The following ARID1A variants were observed in gnomAD, a reference collection of about 807,000 sequenced individuals.
ARID1A encodes the protein AT-rich interaction domain 1A, also known as AT-rich interactive domain-containing protein 1A.
In ARID1A, 20 loss-of-function variants were observed where a neutral mutation model predicts 212.6. That is an observed-to-expected ratio of 0.09 (90% confidence interval 0.07 to 0.14). The LOEUF (loss-of-function observed/expected upper bound fraction) is 0.14, where lower values mean the gene tolerates loss of function less well. ARID1A is among the 10% of genes least tolerant of loss of function. ARID1A has a pLI of 1.00. For synonymous variants in ARID1A, 1,376 were observed against 1,222.1 expected (o/e 1.13, Z -2.63); for missense variants, 2,587 against 3,059.0 (o/e 0.85, Z 3.64).
intron 1 of ARID1A, among the ~76,000 whole-genome samples, chr1:26,713,505 C>G (rs2080473056): frequency 6.6e-6 from 1 of 151,890 alleles, no homozygotes; most frequent in Non-Finnish European, 1.5e-5. Flanking sequence ...ACTACAGGCG[C>G]CCACCACCAC....
intron 1 of ARID1A, among the ~76,000 whole-genome samples, chr1:26,725,852 C>CTTTTTTT (rs71007888): frequency 7.9e-6 from 1 of 126,744 alleles, no homozygotes; most frequent in Non-Finnish European, 1.7e-5. Context: ...TGGTATAAAC[C>CTTTTTTT]TTTTTTTTTT....
At chr1:26,740,667 CAT>C (rs557505072) in intron 4 of ARID1A, among the ~76,000 whole-genome samples, 191 of 152,296 alleles carry the variant, frequency 1.3e-3, no homozygotes, top group Non-Finnish European at 2.1e-3. Context: ...CTGGGGCAAT[CAT>C]GTGATAAAAC....
intron 8 of ARID1A, chr1:26,765,701 C>T (rs1306673823): frequency 6.6e-6 from 1 of 151,482 alleles, no homozygotes; most frequent in Non-Finnish European, 1.5e-5. Flanking sequence ...CCCATCTCTA[C>T]TAAAAATACA....
intron 1 of ARID1A, among the ~76,000 whole-genome samples, chr1:26,704,434 G>A (rs1408701130): frequency 3.3e-5 from 5 of 152,120 alleles, no homozygotes; most frequent in Non-Finnish European, 5.9e-5. Flanking sequence ...GGACTCTTAG[G>A]CTGCTATTTC....
At chr1:26,739,335 G>A (rs1319932693) in intron 4 of ARID1A, among the ~76,000 whole-genome samples, 1 of 152,236 alleles carries the variant, frequency 6.6e-6, no homozygotes, top group African/African-American at 2.4e-5. Flanking sequence ...ACTTTAGCGT[G>A]TGTTAAGAAT....
rs2080267793 is a variant in ARID1A, at chr1:26,696,851, T to C, written c.448T>C (p.Phe150Leu). ...AAALPPPAYG[F>L]GQPYGRSPSA... Reference sequence around the variant, plus strand: ...CGCCTTGCCGCCCCCAGCCTACGGCTTCGGGCAACCCTACGGCCGGAGCCC... The same window carrying C: ...CGCCTTGCCGCCCCCAGCCTACGGCCTCGGGCAACCCTACGGCCGGAGCCC... Residue 150 changes from phenylalanine to leucine, a missense_variant, in exon 1 of 20, where the codon TTC becomes CTC. Around this residue, in one of 11 missense-constraint regions of ARID1A, gnomAD observed 735 missense variants for 590.6 expected, o/e 1.24. Transcript: ENST00000324856. 7 of 1,341,586 alleles carry C rather than the reference T, an allele frequency of 5.2e-6. No individual in the cohort carries two copies. The highest frequency in any genetic ancestry group is 2.2e-4 in the Middle Eastern group (1 of 4,616). The allele number at this position is 1,341,586 out of a possible 1,614,324, so 83.1% of individuals were successfully genotyped here. A position where few individuals can be genotyped will look rare whatever the true frequency, so the allele number is the denominator to read the frequency against.
intron 4 of ARID1A, among the ~76,000 whole-genome samples, chr1:26,750,640 AT>A (rs550257996): frequency 5.3e-5 from 8 of 149,956 alleles, no homozygotes; most frequent in Non-Finnish European, 8.9e-5. Context: ...GAATATCTTG[AT>A]TTTTTTTTTC....
chr1:26,767,731 C>A (rs2124085399), intron 10 of ARID1A, 59 bp from the exon 11 acceptor site: 1 of 1,480,518 alleles, frequency 6.8e-7, no homozygotes, highest in Non-Finnish European at 9.2e-7. Context: ...ACTTCTGAGA[C>A]CCTTAGCACA....
chr1:26,772,398 G>C (rs925388429), intron 12 of ARID1A, 102 bp from the exon 13 acceptor site: 2 of 1,552,442 alleles, frequency 1.3e-6, no homozygotes, highest in East Asian at 2.3e-5. Context: ...AAAGGCCTTA[G>C]GAAGAACTTT....
chr1:26,728,882 A>G (rs1352912879), intron 1 of ARID1A: 1 of 152,222 alleles, frequency 6.6e-6, no homozygotes, highest in Non-Finnish European at 1.5e-5. Context: ...AAAGAGCTGG[A>G]AAGAAAGCTG....
chr1:26,706,848 C>G (rs568422448), intron 1 of ARID1A, among the ~76,000 whole-genome samples: 1 of 152,232 alleles, frequency 6.6e-6, no homozygotes, highest in African/African-American at 2.4e-5. Context: ...ACAGGTTGAT[C>G]TAGCGTTATG....
At chr1:26,741,514 G>A (rs1377224419) in intron 4 of ARID1A, among the ~76,000 whole-genome samples, 2 of 152,200 alleles carry the variant, frequency 1.3e-5, no homozygotes, top group African/African-American at 4.8e-5. Context: ...AGGGAAAAGT[G>A]AAGGTGCTGG....
intron 4 of ARID1A, among the ~76,000 whole-genome samples, chr1:26,759,416 C>T (rs2080970534): frequency 6.6e-6 from 1 of 152,066 alleles, no homozygotes; most frequent in African/African-American, 2.4e-5. Flanking sequence ...CCACGTTGCC[C>T]AGGCTGGTCT....
intron 1 of ARID1A, among the ~76,000 whole-genome samples, chr1:26,721,203 G>GTTTGTTTTTGTT (rs961663063): frequency 5.3e-5 from 8 of 151,904 alleles, no homozygotes; most frequent in African/African-American, 1.9e-4. Context: ...GGTCACCCTG[G>GTTTGTTTTTGTT]TTTGTTTTTG....
chr1:26,772,353 T>C (rs1253329820), intron 12 of ARID1A, 147 bp from the exon 13 acceptor site: 1 of 1,195,474 alleles, frequency 8.4e-7, no homozygotes, highest in African/African-American at 1.5e-5. Context: ...GACCTGGCCT[T>C]GTAGATCCTC....
chr1:26,755,935 G>A (rs961746264), intron 4 of ARID1A, among the ~76,000 whole-genome samples: 31 of 151,930 alleles, frequency 2.0e-4, no homozygotes, highest in African/African-American at 7.5e-4. Context: ...AGTAGAGACA[G>A]GGTTTCACTA....
intron 1 of ARID1A, among the ~76,000 whole-genome samples, chr1:26,709,313 C>A (rs565608968): frequency 1.3e-5 from 2 of 152,300 alleles, no homozygotes; most frequent in East Asian, 3.9e-4. Context: ...AGCAAGCCTC[C>A]AGGAGAGTTG....
At chr1:26,751,487 G>C (rs1456387283) in intron 4 of ARID1A, among the ~76,000 whole-genome samples, 2 of 152,158 alleles carry the variant, frequency 1.3e-5, no homozygotes, top group East Asian at 3.9e-4. Context: ...TATGGAAAGA[G>C]TGTAAAGTAA....
intron 1 of ARID1A, among the ~76,000 whole-genome samples, chr1:26,720,728 A>G (rs777777913): frequency 2.6e-5 from 4 of 151,800 alleles, no homozygotes; most frequent in Admixed American, 6.6e-5. Flanking sequence ...ACTGGCTATG[A>G]TGGCATGTGC....
Sources: gnomAD v4.1 joint callset for allele counts (sites outside exome capture counted in the v4.1 genomes callset) on GRCh38, gnomAD v4.1.1 for gene constraint, gnomAD v4.1.1 regional missense constraint, MANE v1.5 for transcripts, NCBI Gene and HGNC (gene_info 2026-07-23, HGNC 2026-07-21) for gene names.